The following CA6 variants were observed in gnomAD, a reference collection of about 807,000 sequenced individuals.
CA6 encodes the protein carbonate dehydratase VI.
In CA6, 28 loss-of-function variants were observed where a neutral mutation model predicts 35.9. That is an observed-to-expected ratio of 0.78 (90% CI 0.58 to 1.07). The LOEUF is 1.07. Among genes scored for constraint, CA6 ranks in the 50% least tolerant of loss-of-function variants. The pLI is 0.00. For synonymous variants in CA6, 148 were observed against 152.6 expected (o/e 0.97, Z 0.22); for missense variants, 377 against 382.0 (o/e 0.99, Z 0.11).
At chr1:8,973,756 CT>C (rs1299413107) in intron 7 of CA6, among the ~76,000 whole-genome samples, 360 of 21,880 alleles carry the variant, frequency 0.016, 20 homozygotes, top group African/African-American at 0.12. Flanking sequence ...TTCTTTCTTT[CT>C]TTCTTTCTTT....
chr1:8,947,905 C>T (rs1365449668), intron 1 of CA6, among the ~76,000 whole-genome samples: 3 of 149,328 alleles, frequency 2.0e-5, no homozygotes, highest in Non-Finnish European at 3.0e-5. Flanking sequence ...AGTGCAGTGG[C>T]GCGATCTCGG....
At chr1:8,972,682 C>T (rs1640141158) in intron 7 of CA6, among the ~76,000 whole-genome samples, 2 of 152,094 alleles carry the variant, frequency 1.3e-5, no homozygotes, top group South Asian at 4.2e-4. Context: ...GACTCTGTTT[C>T]AAAAAACCAA....
chr1:8,968,053 C>T (rs1198114799), intron 6 of CA6, among the ~76,000 whole-genome samples: 5 of 150,094 alleles, frequency 3.3e-5, no homozygotes, highest in South Asian at 2.1e-4. Flanking sequence ...CTGCAACCTC[C>T]GCCTCCCAGG....
rs751008317 is a variant in CA6, at chr1:8,947,379, C to T, written c.79+1414C>T. 8.6e-5 allele frequency among the ~76,000 whole-genome samples: 13 copies of T among 152,040 alleles called. 1 individual carries two copies. Among genetic ancestry groups the T allele is most frequent in the African/African-American group, 1.5e-4 (6 of 41,328 alleles). On this transcript the variant is annotated intron_variant, in intron 1 of 7. Coordinates refer to ENST00000377443, the MANE Select transcript of CA6 (RefSeq NM_001215.4). ...AGAGTCTGCCCCAGTTCAGCTGCTC[C>T]GGAAGCATTCCTTCAGGGTGAACGG...
chr1:8,970,805 G>A (rs139014763), intron 6 of CA6, 62 bp from the exon 7 acceptor site: 676 of 1,089,722 alleles, frequency 6.2e-4, no homozygotes, highest in Non-Finnish European at 9.3e-4. Context: ...CGGGCCAACT[G>A]TTATTTCTTT....
intron 5 of CA6, among the ~76,000 whole-genome samples, chr1:8,965,339 C>G (rs369071572): frequency 6.6e-6 from 1 of 152,126 alleles, no homozygotes; most frequent in African/African-American, 2.4e-5. Context: ...CAACCATCAC[C>G]CCGCTCCATT....
intron 6 of CA6, 54 bp downstream of exon 6, chr1:8,967,870 A>G: frequency 6.4e-7 from 1 of 1,552,424 alleles, no homozygotes; most frequent in South Asian, 1.2e-5. Flanking sequence ...CCTGGTTAAC[A>G]AGGGTTCTCC....
At chr1:8,959,662 T>C (rs1279574339) in intron 4 of CA6, among the ~76,000 whole-genome samples, 1 of 151,544 alleles carries the variant, frequency 6.6e-6, no homozygotes, top group African/African-American at 2.4e-5. Flanking sequence ...CCGGGCGTGG[T>C]GGCTCACATC....
intron 1 of CA6, among the ~76,000 whole-genome samples, chr1:8,949,026 C>A (rs977922056): frequency 3.9e-5 from 6 of 152,008 alleles, no homozygotes; most frequent in African/African-American, 1.5e-4. Context: ...CTCCCAGGGC[C>A]AGCAGTTGCC....
At chr1:8,961,098 A>G (rs1169795509) in intron 4 of CA6, among the ~76,000 whole-genome samples, 1 of 151,596 alleles carries the variant, frequency 6.6e-6, no homozygotes, top group African/African-American at 2.4e-5. Flanking sequence ...TTCTATATCC[A>G]ATAAACCACC....
Position 8,963,457 on chromosome 1 carries a change from T to A in CA6, c.571+801T>A, listed in dbSNP as rs1039780598. Among the ~76,000 whole-genome samples, 1 of 152,148 alleles carries A rather than the reference T, an allele frequency of 6.6e-6. No individual in the cohort carries two copies. Among genetic ancestry groups the A allele is most frequent in the African/African-American group, 2.4e-5 (1 of 41,426 alleles). ...AAATCTCCAGACCAACTCTGGAGTT[T>A]TTTTAGTTATTTTCTTAGTGGTTGG... On this transcript the variant is annotated intron_variant, in intron 5 of 7. Transcript: ENST00000377443. The surrounding 1 kb of genome is among the most constrained non-coding windows in gnomAD (Gnocchi z 4.1).
At chr1:8,946,805 G>GTT (rs60046591) in intron 1 of CA6, among the ~76,000 whole-genome samples, 13 of 102,010 alleles carry the variant, frequency 1.3e-4, no homozygotes, top group East Asian at 3.1e-4. Flanking sequence ...TTTTTTTTTT[G>GTT]TTTTTTTTTT....
At chr1:8,958,233 T>A (rs1639743223) in intron 3 of CA6, among the ~76,000 whole-genome samples, 1 of 152,078 alleles carries the variant, frequency 6.6e-6, no homozygotes, top group Non-Finnish European at 1.5e-5. Flanking sequence ...AGTGGCATGA[T>A]CTTGGCTCAC....
intron 7 of CA6, among the ~76,000 whole-genome samples, chr1:8,972,997 A>G (rs1640148597): frequency 6.6e-6 from 1 of 152,138 alleles, no homozygotes; most frequent in Admixed American, 6.6e-5. Flanking sequence ...CAGGCTGACC[A>G]AAGGGAGCTT....
At chr1:8,966,976 A>T (rs1301602854) in intron 5 of CA6, among the ~76,000 whole-genome samples, 4 of 93,178 alleles carry the variant, frequency 4.3e-5, no homozygotes, top group Admixed American at 1.1e-4. Context: ...TTTATTATTT[A>T]AAAAAATAAT....
intron 2 of CA6, among the ~76,000 whole-genome samples, chr1:8,955,932 G>C (rs955556617): frequency 6.6e-6 from 1 of 152,166 alleles, no homozygotes; most frequent in Admixed American, 6.6e-5. Context: ...ACTTTAAATA[G>C]GAAGATCTTG....
chr1:8,946,036 C>A, intron 1 of CA6, 71 bp downstream of exon 1: 9 of 904,654 alleles, frequency 9.9e-6, no homozygotes, highest in Non-Finnish European at 1.2e-5. Flanking sequence ...TGCCCTTCTT[C>A]TTCTTCTTTT....
rs373250863 is a variant in CA6, at chr1:8,959,931, C to CAAAAAAAAAAAAAAA, written c.501+934_501+948dup. On this transcript the variant is annotated intron_variant, in intron 4 of 7. Transcript: ENST00000377443. The stretch of plus-strand genomic sequence containing the variant: ...TGGGCAATAAAGCTAGATTCTATCT[C>CAAAAAAAAAAAAAAA]AAAAAAAAAAAAAAAAAAAGCTGGG... 3.7e-4 allele frequency among the ~76,000 whole-genome samples: 28 copies of CAAAAAAAAAAAAAAA among 75,166 alleles called. 1 individual carries two copies. Among genetic ancestry groups the CAAAAAAAAAAAAAAA allele is most frequent in the African/African-American group, 1.7e-3 (25 of 14,778 alleles). The allele number at this position is 75,166 out of a possible 152,430, so 49.3% of individuals were successfully genotyped here. A position where few individuals can be genotyped will look rare whatever the true frequency, so the allele number is the denominator to read the frequency against.
chr1:8,973,706 CTCTCTCTT>C (rs1197744750), intron 7 of CA6, among the ~76,000 whole-genome samples: 15 of 113,430 alleles, frequency 1.3e-4, no homozygotes, highest in South Asian at 3.1e-4. Context: ...ATTTTTCTTT[CTCTCTCTT>C]TCTTTCTTTC....
Sources: allele counts gnomAD v4.1 joint callset (sites outside exome capture counted in the v4.1 genomes callset), GRCh38; gene constraint gnomAD v4.1.1; non-coding constraint Gnocchi (gnomAD v3.1); transcripts MANE v1.5; gene names NCBI Gene and HGNC (gene_info 2026-07-23, HGNC 2026-07-21).